The following DCHS2 variants were observed in gnomAD, a reference collection of about 807,000 sequenced individuals.
The protein encoded by DCHS2 is protocadherin-23.
A neutral mutation model predicts 182.4 loss-of-function variants in DCHS2; 142 were observed. The observed-to-expected ratio is 0.78, with a 90% confidence interval of 0.68 to 0.89. DCHS2 has a LOEUF of 0.89. DCHS2 is among the 40% of genes least tolerant of loss of function. The pLI is 0.00. For missense variants in DCHS2, 4,319 were observed against 4,198.6 expected, an observed-to-expected ratio of 1.03 and a Z score of -0.79; for synonymous variants, 1,740 against 1,663.3, an observed-to-expected ratio of 1.05 and a Z score of -1.12.
At chr4:154,459,098 AC>A (rs1734895317) in intron 1 of DCHS2, among the ~76,000 whole-genome samples, 2 of 152,192 alleles carry the variant, frequency 1.3e-5, no homozygotes. Flanking sequence ...ATTTTAAAGA[AC>A]TATGAAGAAT....
At chr4:154,474,420 G>A (rs964457953) in intron 1 of DCHS2, among the ~76,000 whole-genome samples, 1 of 152,112 alleles carries the variant, frequency 6.6e-6, no homozygotes, top group African/African-American at 2.4e-5. Context: ...GCTTCCTCAC[G>A]CAAGGCTATG....
At chr4:154,327,322 T>A (rs954238733) in intron 7 of DCHS2, among the ~76,000 whole-genome samples, 24 of 152,288 alleles carry the variant, frequency 1.6e-4, no homozygotes, top group African/African-American at 5.0e-4. Context: ...ATGAGATCTT[T>A]GGAAACTGCT....
intron 1 of DCHS2, among the ~76,000 whole-genome samples, chr4:154,396,946 C>G (rs1181002626): frequency 6.6e-6 from 1 of 152,076 alleles, no homozygotes; most frequent in Non-Finnish European, 1.5e-5. Flanking sequence ...CCTAAACCTT[C>G]CTGATATAAC....
At chr4:154,357,752 G>T (rs1428656028) in intron 3 of DCHS2, among the ~76,000 whole-genome samples, 2 of 152,064 alleles carry the variant, frequency 1.3e-5, no homozygotes, top group South Asian at 2.1e-4. Flanking sequence ...CTTGCAGTAT[G>T]GCCCTTTCTG....
At chr4:154,242,003 T>C (rs571003863) in intron 17 of DCHS2, among the ~76,000 whole-genome samples, 1 of 152,134 alleles carries the variant, frequency 6.6e-6, no homozygotes, top group Non-Finnish European at 1.5e-5. Flanking sequence ...GGGTCACCAT[T>C]ATTTTCATCT....
chr4:154,435,439 C>T (rs1733736177), intron 1 of DCHS2, among the ~76,000 whole-genome samples: 1 of 151,684 alleles, frequency 6.6e-6, no homozygotes, highest in African/African-American at 2.4e-5. Context: ...TACTAAAATG[C>T]AAAAAAATTA....
intron 14 of DCHS2, among the ~76,000 whole-genome samples, chr4:154,267,694 T>A (rs1733348592): frequency 2.6e-5 from 2 of 77,560 alleles, no homozygotes. Context: ...TAGGTTCCAT[T>A]GGGCATCTTC....
chr4:154,309,516 G>T (rs1015903995), intron 10 of DCHS2, among the ~76,000 whole-genome samples: 2 of 152,128 alleles, frequency 1.3e-5, no homozygotes, highest in East Asian at 1.9e-4. Flanking sequence ...GGTGGTAGCT[G>T]CCTTCTAGAG....
intron 12 of DCHS2, among the ~76,000 whole-genome samples, chr4:154,300,912 A>G (rs1735173473): frequency 6.6e-6 from 1 of 152,182 alleles, no homozygotes. Context: ...CCAGTCAATC[A>G]TCTTTAAAAT....
intron 10 of DCHS2, among the ~76,000 whole-genome samples, chr4:154,312,562 C>A (rs1442486284): frequency 2.0e-5 from 3 of 152,034 alleles, no homozygotes; most frequent in Non-Finnish European, 2.9e-5. Flanking sequence ...AAAAATAAAA[C>A]ACAAATAAAT....
intron 15 of DCHS2, among the ~76,000 whole-genome samples, chr4:154,256,214 A>G (rs1732658002): frequency 6.6e-6 from 1 of 152,146 alleles, no homozygotes; most frequent in African/African-American, 2.4e-5. Flanking sequence ...GATGTGATTC[A>G]TGGTTCACTG....
At position 154,490,813 on chromosome 4, in the gene DCHS2, C is replaced by A. The variant is rs1217667762; in HGVS notation, c.543G>T (p.Pro181=). 1.3e-6 allele frequency: 2 copies of A among 1,551,550 alleles called. No individual in the cohort carries two copies. The highest frequency in any genetic ancestry group is 1.4e-5 in the African/African-American group (1 of 73,186). ...CTGGCAGGCGGAAGGCGGTCCCTGGCGGGCTGAGCTCGGAGACGTCGAGTT... is the reference window on the plus strand; with the variant it reads ...CTGGCAGGCGGAAGGCGGTCCCTGGAGGGCTGAGCTCGGAGACGTCGAGTT... The part of the protein sequence containing the change: ...SLQLDVSELS[P]PGTAFRLPVA... Residue 181 remains proline (P), a synonymous_variant, in exon 1 of 20, where the codon CCG becomes CCT. Transcript: ENST00000357232.
intron 16 of DCHS2, among the ~76,000 whole-genome samples, chr4:154,251,574 A>C (rs1222288228): frequency 6.6e-6 from 1 of 152,080 alleles, no homozygotes; most frequent in Non-Finnish European, 1.5e-5. Context: ...GCTGGAGTGC[A>C]GTGGTGCGAT....
chr4:154,332,866 C>T lies in DCHS2; in HGVS notation c.3342G>A (p.Gln1114=), dbSNP rs781077547. 6.2e-6 allele frequency: 10 copies of T among 1,614,228 alleles called. 1 individual carries two copies. In the East Asian group the frequency reaches 2.2e-4, roughly 36 times the overall value. Residue 1114 remains glutamine (Q), a synonymous_variant, in exon 5 of 20, where the codon CAG becomes CAA. Coordinates refer to ENST00000357232, the MANE Select transcript of DCHS2 (RefSeq NM_001358235.2). ...LQTQAHPLGP[Q]RAASPLRYSL... ...AGTACCTAAGAGGCGAGGCTGCACG[C>T]TGGGGGCCAAGTGGGTGCGCCTGTG...
intron 16 of DCHS2, among the ~76,000 whole-genome samples, chr4:154,243,363 T>C (rs1177826625): frequency 6.6e-6 from 1 of 152,196 alleles, no homozygotes; most frequent in East Asian, 1.9e-4. Context: ...TGAAAGAATT[T>C]ACATAGACTA....
At chr4:154,321,483 C>T (rs1736059572) in intron 8 of DCHS2, among the ~76,000 whole-genome samples, 1 of 152,056 alleles carries the variant, frequency 6.6e-6, no homozygotes, top group Non-Finnish European at 1.5e-5. Flanking sequence ...TTTGGTAAAG[C>T]CATGTTATAG....
At chr4:154,303,183 T>A (rs896095239) in intron 12 of DCHS2, among the ~76,000 whole-genome samples, 1 of 151,996 alleles carries the variant, frequency 6.6e-6, no homozygotes, top group Non-Finnish European at 1.5e-5. Flanking sequence ...GGTTTCACCA[T>A]GTTGGCCAGG....
At chr4:154,468,235 T>C (rs1735317685) in intron 1 of DCHS2, among the ~76,000 whole-genome samples, 1 of 152,176 alleles carries the variant, frequency 6.6e-6, no homozygotes, top group Non-Finnish European at 1.5e-5. Flanking sequence ...AGAATGTTTT[T>C]TCAGCTCATC....
At position 154,304,676 on chromosome 4, in the gene DCHS2, G is replaced by A. The variant is rs1735369683; in HGVS notation, c.5598C>T (p.His1866=). 6.3e-7 allele frequency: 1 copy of A among 1,597,916 alleles called. No homozygotes were observed. Among genetic ancestry groups the A allele is most frequent in the Non-Finnish European group, 8.5e-7 (1 of 1,170,526 alleles). ...DAGNNRAVEY[H]IIDGNTDECF... Reference sequence around the variant, plus strand: ...ACAAACAAACAAACTTACCAATTATGTGATATTCAACAGCTCTGTTATTGC... The same window carrying A: ...ACAAACAAACAAACTTACCAATTATATGATATTCAACAGCTCTGTTATTGC... The change falls in exon 12 of 20, where the codon CAC becomes CAT. Residue 1866 remains histidine (H), a synonymous_variant. Transcript: ENST00000357232.
Sources: allele counts gnomAD v4.1 joint callset (sites outside exome capture counted in the v4.1 genomes callset), GRCh38; gene constraint gnomAD v4.1.1; transcripts MANE v1.5; gene names NCBI Gene and HGNC (gene_info 2026-07-23, HGNC 2026-07-21).